The following MGMT variants were observed in gnomAD, a reference collection of about 807,000 sequenced individuals.
The protein encoded by MGMT is O-6-methylguanine-DNA methyltransferase.
MGMT carries 14 observed loss-of-function variants against 15.9 expected under a neutral mutation model. The observed-to-expected ratio is 0.88, with a 90% CI of 0.58 to 1.37. MGMT has a LOEUF of 1.37. Among genes scored for constraint, MGMT ranks in the 40% most tolerant of loss-of-function variants. The pLI, the probability that MGMT is intolerant of heterozygous loss-of-function variation, is 0.00. For synonymous variants in MGMT, 130 were observed against 118.2 expected, an observed-to-expected ratio of 1.10 and a Z score of -0.65; for missense variants, 282 against 268.1, an observed-to-expected ratio of 1.05 and a Z score of -0.36.
intron 1 of MGMT, among the ~76,000 whole-genome samples, chr10:129,535,396 T>TAA (rs760580365): frequency 6.6e-6 from 1 of 151,160 alleles, no homozygotes; most frequent in African/African-American, 2.4e-5. Flanking sequence ...ACCTCGTCTC[T>TAA]AAAAAAAAAG....
In MGMT at chr10:129,731,285, C is replaced by G. The variant is rs138270889; in HGVS notation, c.274+23242C>G. Among the ~76,000 whole-genome samples the G allele has an allele frequency of 6.9e-3, 1,052 of 151,818 alleles. 11 individuals are homozygous for G. Among genetic ancestry groups the G allele is most frequent in the African/African-American group, 0.024 (1,003 of 41,396 alleles). On this transcript the variant is annotated intron_variant, in intron 3 of 4. Transcript: ENST00000651593. Reference sequence around the variant, plus strand: ...CTGGACCCCTCTTTAAGATGATTGACGACCCCAAAGAGCTTTTGATGATAA... The same window carrying G: ...CTGGACCCCTCTTTAAGATGATTGAGGACCCCAAAGAGCTTTTGATGATAA...
intron 1 of MGMT, among the ~76,000 whole-genome samples, chr10:129,514,244 A>G (rs1002096613): frequency 7.9e-5 from 12 of 152,380 alleles, no homozygotes; most frequent in African/African-American, 1.7e-4. Context: ...GAGAGATACA[A>G]TTATATCAAT....
chr10:129,501,655 A>G (rs1439888616), intron 1 of MGMT, among the ~76,000 whole-genome samples: 1 of 152,166 alleles, frequency 6.6e-6, no homozygotes, highest in African/African-American at 2.4e-5. Flanking sequence ...GTTTTCTTCC[A>G]TCGAAGCACC....
At chr10:129,538,268 C>T (rs1333508870) in intron 2 of MGMT, among the ~76,000 whole-genome samples, 4 of 152,156 alleles carry the variant, frequency 2.6e-5, no homozygotes, top group African/African-American at 9.7e-5. Context: ...TGGAACATTC[C>T]AGAAAATTCC....
intron 2 of MGMT, among the ~76,000 whole-genome samples, chr10:129,604,360 A>G (rs1171119215): frequency 6.6e-6 from 1 of 152,126 alleles, no homozygotes; most frequent in Admixed American, 6.5e-5. Flanking sequence ...AAAATATTTT[A>G]TCTTCTGAAA....
At chr10:129,539,057 G>A (rs944788125) in intron 2 of MGMT, among the ~76,000 whole-genome samples, 1 of 152,182 alleles carries the variant, frequency 6.6e-6, no homozygotes, top group South Asian at 2.1e-4. Flanking sequence ...TCACAAGTTG[G>A]AGGCCTGCTT....
chr10:129,747,494 G>C (rs1017042276), intron 3 of MGMT, among the ~76,000 whole-genome samples: 6 of 152,116 alleles, frequency 3.9e-5, no homozygotes, highest in Non-Finnish European at 8.8e-5. Context: ...GTTTTTAATA[G>C]CCTTTGTTTT....
intron 1 of MGMT, among the ~76,000 whole-genome samples, chr10:129,492,571 A>G (rs1172320654): frequency 6.6e-6 from 1 of 152,108 alleles, no homozygotes; most frequent in African/African-American, 2.4e-5. Flanking sequence ...TCTGATTCTG[A>G]TCTTTCATGC....
chr10:129,610,463 C>T (rs1320841458), intron 2 of MGMT, among the ~76,000 whole-genome samples: 1 of 152,216 alleles, frequency 6.6e-6, no homozygotes, highest in Non-Finnish European at 1.5e-5. Context: ...AACACTTGAG[C>T]CCCCACCCTG....
In MGMT at chr10:129,556,848, C is replaced by T. The variant is rs748078578; in HGVS notation, c.125+20471C>T. Among the ~76,000 whole-genome samples, 3 of 152,144 alleles carry T rather than the reference C, an allele frequency of 2.0e-5. No individual in the cohort carries two copies. The highest frequency in any genetic ancestry group is 1.3e-4 in the Admixed American group (2 of 15,272). On this transcript the variant is annotated intron_variant, in intron 2 of 4. Transcript: ENST00000651593. The surrounding 1 kb of genome is among the most constrained non-coding windows in gnomAD (Gnocchi z 4.3). ...TTTTCACAACTTGTTTCTGTTCTGT[C>T]GTAGGGCTAGTGAGACCAGCTTTCC...
At chr10:129,598,355 A>G (rs1369281085) in intron 2 of MGMT, among the ~76,000 whole-genome samples, 1 of 152,106 alleles carries the variant, frequency 6.6e-6, no homozygotes, top group Non-Finnish European at 1.5e-5. Context: ...CCATCTGTAT[A>G]AGGGGATGAT....
rs560799127 is a variant in MGMT at position 129,470,902 on chromosome 10, T to C, written c.-13+3606T>C. 6.6e-5 allele frequency among the ~76,000 whole-genome samples: 10 copies of C among 152,284 alleles called. No individual in the cohort carries two copies. In the East Asian group the frequency reaches 1.7e-3, roughly 26 times the overall value. ...TTTCTTAGGGTTGTTAAATTAGTCATAGTGTGTGTAACCATGAAAGGAATG... is the reference window on the plus strand; with the variant it reads ...TTTCTTAGGGTTGTTAAATTAGTCACAGTGTGTGTAACCATGAAAGGAATG... On this transcript the variant is annotated intron_variant, in intron 1 of 4. Coordinates refer to ENST00000651593, the MANE Select transcript of MGMT (RefSeq NM_002412.5).
At chr10:129,652,885 T>C (rs569665684) in intron 2 of MGMT, among the ~76,000 whole-genome samples, 1 of 152,340 alleles carries the variant, frequency 6.6e-6, no homozygotes, top group East Asian at 1.9e-4. Context: ...ATATTTGTTG[T>C]GTTCCTCCTG....
chr10:129,678,433 T>C (rs1477324047), intron 2 of MGMT, among the ~76,000 whole-genome samples: 1 of 152,114 alleles, frequency 6.6e-6, no homozygotes, highest in African/African-American at 2.4e-5. Context: ...CAGGGCTGGG[T>C]GACTCCCTGC....
chr10:129,746,971 T>C (rs1848702448), intron 3 of MGMT, among the ~76,000 whole-genome samples: 1 of 152,188 alleles, frequency 6.6e-6, no homozygotes, highest in Admixed American at 6.5e-5. Flanking sequence ...ACATGATATG[T>C]CTCCTCAGTT....
At chr10:129,539,656 G>T (rs1426871297) in intron 2 of MGMT, among the ~76,000 whole-genome samples, 1 of 152,120 alleles carries the variant, frequency 6.6e-6, no homozygotes, top group Non-Finnish European at 1.5e-5. Context: ...ACAGGCGCCT[G>T]CTGCCACGCC....
chr10:129,569,781 A>G (rs1298500721), intron 2 of MGMT, among the ~76,000 whole-genome samples: 2 of 152,166 alleles, frequency 1.3e-5, no homozygotes, highest in African/African-American at 4.8e-5. Flanking sequence ...CAGACAAGTG[A>G]GTGTCCCTTT....
chr10:129,593,493 C>T lies in MGMT; in HGVS notation c.125+57116C>T, dbSNP rs747549675. ...GAATCTGAGAGGGAGCCCCTGGCTT[C>T]TTATTTTTCTTTGAACTACGTCAAC... On this transcript the variant is annotated intron_variant, in intron 2 of 4. Coordinates refer to ENST00000651593, the MANE Select transcript of MGMT (RefSeq NM_002412.5). Among the ~76,000 whole-genome samples, 67 of 152,178 alleles carry T rather than the reference C, an allele frequency of 4.4e-4. 1 individual carries two copies. Among genetic ancestry groups the T allele is most frequent in the Non-Finnish European group, 7.5e-4 (51 of 68,028 alleles).
chr10:129,683,484 C>T (rs761415164), intron 2 of MGMT, among the ~76,000 whole-genome samples: 1 of 152,174 alleles, frequency 6.6e-6, no homozygotes, highest in Non-Finnish European at 1.5e-5. Flanking sequence ...GCTAGGCGTC[C>T]ATACACATGG....
Sources: allele counts gnomAD v4.1 joint callset (sites outside exome capture counted in the v4.1 genomes callset), GRCh38; gene constraint gnomAD v4.1.1; non-coding constraint Gnocchi (gnomAD v3.1); transcripts MANE v1.5; gene names NCBI Gene and HGNC (gene_info 2026-07-23, HGNC 2026-07-21).